The following KCNT2 variants were observed in gnomAD, a reference collection of about 807,000 sequenced individuals.
KCNT2 encodes the protein potassium channel subfamily T member 2.
KCNT2 carries 67 observed loss-of-function variants against 153.8 expected under a neutral mutation model. The observed-to-expected ratio is 0.44, with a 90% CI of 0.36 to 0.53. The LOEUF (loss-of-function observed/expected upper bound fraction) is 0.53. Among genes scored for constraint, KCNT2 ranks in the 20% least tolerant of loss-of-function variants. The pLI is 0.00. For missense variants in KCNT2, 975 were observed against 1,354.8 expected, an observed-to-expected ratio of 0.72 and a Z score of 4.40; for synonymous variants, 500 against 458.8, an observed-to-expected ratio of 1.09 and a Z score of -1.15.
At chr1:196,258,000 A>G in intron 26 of KCNT2, 194 bp downstream of exon 26, 1 of 1,398,898 alleles carries the variant, frequency 7.1e-7, no homozygotes, top group South Asian at 1.6e-5. Flanking sequence ...GACTCAGCAA[A>G]CGCTGAAAAT....
chr1:196,326,793 T>C lies in KCNT2; in HGVS notation c.2200A>G (p.Asn734Asp). The part of the protein sequence containing the change: ...AAETAGNGLY[N>D]FIVPLRAYYR... Reference sequence around the variant, plus strand: ...TATGCCCTGAGAGGAACAATAAAGTTATATAATCCATTTCCAGCTGTTTCA... The same window carrying C: ...TATGCCCTGAGAGGAACAATAAAGTCATATAATCCATTTCCAGCTGTTTCA... Residue 734 changes from asparagine to aspartate, a missense_variant, in exon 19 of 28, where the codon AAC becomes GAC. This residue lies in a region of KCNT2 where 325 missense variants were observed against 388.1 expected (regional missense o/e 0.84). Coordinates refer to ENST00000294725, the MANE Select transcript of KCNT2 (RefSeq NM_198503.5). 6.3e-7 allele frequency: 1 copy of C among 1,583,710 alleles called. No homozygotes were observed. The highest frequency in any genetic ancestry group is 8.6e-7 in the Non-Finnish European group (1 of 1,166,556).
intron 1 of KCNT2, among the ~76,000 whole-genome samples, chr1:196,588,997 A>G (rs1663018779): frequency 6.6e-6 from 1 of 151,990 alleles, no homozygotes; most frequent in Non-Finnish European, 1.5e-5. Context: ...AAAGACAAGA[A>G]TGTAAAATAT....
intron 26 of KCNT2, 100 bp from the exon 27 acceptor site, chr1:196,236,170 G>A (rs960693295): frequency 1.4e-6 from 1 of 714,278 alleles, no homozygotes; most frequent in East Asian, 2.5e-5. Context: ...CTGTCAACAA[G>A]AACTTGGTAT....
intron 25 of KCNT2, chr1:196,273,619 T>C: frequency 1.7e-6 from 1 of 591,726 alleles, no homozygotes; most frequent in Non-Finnish European, 3.0e-6. Flanking sequence ...TCCAATTGCA[T>C]GCATATTTCT....
intron 14 of KCNT2, among the ~76,000 whole-genome samples, chr1:196,360,633 G>A (rs989971429): frequency 6.6e-6 from 1 of 151,634 alleles, no homozygotes; most frequent in Non-Finnish European, 1.5e-5. Flanking sequence ...GGTGTCTTCC[G>A]AAGAAGAGGA....
In KCNT2 at chr1:196,228,248, A is replaced by T. The variant is rs1653642309; in HGVS notation, c.3384T>A (p.Asp1128Glu). 1.2e-6 allele frequency: 2 copies of T among 1,609,308 alleles called. No homozygotes were observed. The highest frequency in any genetic ancestry group is 1.3e-5 in the African/African-American group (1 of 74,748). Residue 1128 changes from aspartate to glutamate, a missense_variant, in exon 28 of 28, where the codon GAT becomes GAA. This residue lies in a region of KCNT2 where 241 missense variants were observed against 271.1 expected (regional missense o/e 0.89). Transcript: ENST00000294725. ...RNSICNVTGQ[D>E]SREETQL The stretch of plus-strand genomic sequence containing the variant: ...ATCAAAGTTGAGTTTCCTCCCGAGA[A>T]TCTTGACCAGTGACATTGCAGATGC...
intron 6 of KCNT2, among the ~76,000 whole-genome samples, chr1:196,468,546 C>T (rs558823266): frequency 9.2e-5 from 14 of 152,078 alleles, no homozygotes; most frequent in Admixed American, 5.2e-4. Context: ...ATGTTGGGTG[C>T]CTGACTTTTG....
chr1:196,606,965 A>G (rs920302486), intron 1 of KCNT2, among the ~76,000 whole-genome samples: 14 of 152,220 alleles, frequency 9.2e-5, no homozygotes, highest in Admixed American at 2.6e-4. Context: ...TTAAATTTTT[A>G]GCCAATATGT....
chr1:196,478,023 T>C (rs1678687062), intron 5 of KCNT2, among the ~76,000 whole-genome samples: 1 of 152,254 alleles, frequency 6.6e-6, no homozygotes, highest in African/African-American at 2.4e-5. Flanking sequence ...AATTCCATTA[T>C]TTAATCTATG....
intron 13 of KCNT2, among the ~76,000 whole-genome samples, chr1:196,375,711 C>A (rs1288938425): frequency 6.6e-6 from 1 of 151,402 alleles, no homozygotes; most frequent in East Asian, 1.9e-4. Context: ...CTCTGAATTT[C>A]ATTTCAAAAT....
intron 13 of KCNT2, among the ~76,000 whole-genome samples, chr1:196,382,340 C>T (rs1669581733): frequency 6.6e-6 from 1 of 151,864 alleles, no homozygotes; most frequent in Non-Finnish European, 1.5e-5. Flanking sequence ...ATCTCCTGAC[C>T]TTGTGATCCG....
intron 23 of KCNT2, among the ~76,000 whole-genome samples, chr1:196,283,592 A>C (rs561550720): frequency 6.6e-6 from 1 of 152,322 alleles, no homozygotes; most frequent in Admixed American, 6.5e-5. Context: ...TTTGTTAGTA[A>C]GCAATTAAAG....
At chr1:196,238,508 C>T (rs74133636) in intron 26 of KCNT2, among the ~76,000 whole-genome samples, 3,296 of 152,062 alleles carry the variant, frequency 0.022, 105 homozygotes, top group African/African-American at 0.074. Context: ...CCTCACCCCT[C>T]ACTGACTTTT....
chr1:196,524,812 A>G (rs1247468346), intron 1 of KCNT2, among the ~76,000 whole-genome samples: 1 of 152,178 alleles, frequency 6.6e-6, no homozygotes, highest in African/African-American at 2.4e-5. Context: ...ATTTCTAGCA[A>G]CAAATAGGAA....
At chr1:196,340,942 G>A (rs1449882628) in intron 15 of KCNT2, among the ~76,000 whole-genome samples, 37 of 151,856 alleles carry the variant, frequency 2.4e-4, no homozygotes, top group Non-Finnish European at 1.5e-5. Flanking sequence ...ATTGGCCAAA[G>A]GAAAGAAACT....
At chr1:196,383,460 G>A (rs1206094623) in intron 13 of KCNT2, among the ~76,000 whole-genome samples, 1 of 152,158 alleles carries the variant, frequency 6.6e-6, no homozygotes, top group Non-Finnish European at 1.5e-5. Flanking sequence ...AAAGTCTGTG[G>A]AATGAAACTG....
intron 1 of KCNT2, among the ~76,000 whole-genome samples, chr1:196,604,915 A>T (rs1039417581): frequency 1.3e-5 from 2 of 152,182 alleles, no homozygotes; most frequent in Non-Finnish European, 2.9e-5. Flanking sequence ...GTGGCACAAT[A>T]TAAATTTAGA....
intron 12 of KCNT2, among the ~76,000 whole-genome samples, chr1:196,400,611 G>A (rs1671329181): frequency 1.3e-5 from 2 of 151,284 alleles, no homozygotes; most frequent in South Asian, 4.1e-4. Context: ...ATATCATTAA[G>A]GATAAAAGAT....
chr1:196,606,126 C>T (rs942721244), intron 1 of KCNT2, among the ~76,000 whole-genome samples: 1 of 152,158 alleles, frequency 6.6e-6, no homozygotes, highest in Admixed American at 6.5e-5. Flanking sequence ...TACTTATTTC[C>T]AACTAAATGT....
Sources: allele counts gnomAD v4.1 joint callset (sites outside exome capture counted in the v4.1 genomes callset), GRCh38; gene constraint gnomAD v4.1.1; regional missense constraint gnomAD v4.1.1; transcripts MANE v1.5; gene names NCBI Gene and HGNC (gene_info 2026-07-23, HGNC 2026-07-21).